TANC1: variants seen among roughly 807,000 people sequenced by gnomAD.
The protein encoded by TANC1 is tetratricopeptide repeat, ankyrin repeat and coiled-coil containing 1.
Under a neutral mutation model 149.7 loss-of-function variants are expected in TANC1, and 77 were observed. The ratio of observed to expected loss-of-function variants is 0.51; its 90% confidence interval spans 0.43 to 0.62. The LOEUF (loss-of-function observed/expected upper bound fraction) is 0.62. TANC1 is among the 20% of genes least tolerant of loss of function. The pLI is 0.00. For synonymous variants in TANC1, 854 were observed against 925.0 expected, an observed-to-expected ratio of 0.92 and a Z score of 1.39; for missense variants, 1,985 against 2,321.8, an observed-to-expected ratio of 0.85 and a Z score of 2.98.
At chr2:158,997,010 A>C (rs2036196228) in intron 1 of TANC1, among the ~76,000 whole-genome samples, 1 of 151,814 alleles carries the variant, frequency 6.6e-6, no homozygotes, top group African/African-American at 2.4e-5. Flanking sequence ...TACCTGCTTT[A>C]CAGACTGTGG....
intron 2 of TANC1, 74 bp from the exon 3 acceptor site, chr2:159,065,822 C>T (rs2042606864): frequency 7.9e-7 from 1 of 1,266,156 alleles, no homozygotes; most frequent in South Asian, 1.2e-5. Context: ...CAAGTTACCT[C>T]TTTTGTCAAG....
intron 1 of TANC1, among the ~76,000 whole-genome samples, chr2:158,969,802 C>T (rs1299751991): frequency 6.6e-6 from 1 of 152,218 alleles, no homozygotes; most frequent in African/African-American, 2.4e-5. Context: ...GGGCGGAGGA[C>T]GCCAGGCTCG....
At chr2:159,085,548 T>C (rs1418471926) in intron 3 of TANC1, among the ~76,000 whole-genome samples, 2 of 152,120 alleles carry the variant, frequency 1.3e-5, no homozygotes, top group Non-Finnish European at 2.9e-5. Context: ...GGGTAATTTA[T>C]AAAGAAAGGG....
intron 1 of TANC1, among the ~76,000 whole-genome samples, chr2:158,988,290 G>A (rs2149261334): frequency 6.9e-6 from 1 of 144,748 alleles, no homozygotes; most frequent in Non-Finnish European, 1.5e-5. Flanking sequence ...TCGGGCCACT[G>A]TACTCCAGCC....
At chr2:159,106,576 T>C (rs764487366) in intron 4 of TANC1, among the ~76,000 whole-genome samples, 1 of 152,232 alleles carries the variant, frequency 6.6e-6, no homozygotes, top group Non-Finnish European at 1.5e-5. Context: ...CAGTCTTCCA[T>C]TGGTGGGTAT....
chr2:159,062,838 G>A (rs1292164392), intron 2 of TANC1, among the ~76,000 whole-genome samples: 1 of 151,104 alleles, frequency 6.6e-6, no homozygotes, highest in East Asian at 1.9e-4. Flanking sequence ...GCGGTGGTGG[G>A]TGCCTGTAGT....
chr2:159,160,686 T>A (rs933842709), intron 7 of TANC1, among the ~76,000 whole-genome samples: 2 of 151,766 alleles, frequency 1.3e-5, no homozygotes, highest in Non-Finnish European at 2.9e-5. Context: ...CAGGAAGGAG[T>A]GTCAATGGAG....
chr2:159,051,521 C>T (rs375049179), intron 2 of TANC1, among the ~76,000 whole-genome samples: 7 of 152,122 alleles, frequency 4.6e-5, no homozygotes, highest in African/African-American at 1.7e-4. Flanking sequence ...TCATACATGG[C>T]GCGTAACATA....
rs1457762905 is a variant in TANC1 at position 159,136,047 on chromosome 2, T to TGTGTGTGTGTGTGTGTGC, written c.260-144_260-143insTGTGTGTGTGTGTGCGTG. The TGTGTGTGTGTGTGTGTGC allele has an allele frequency of 8.0e-3, 1,681 of 211,136 alleles. 214 individuals carry two copies. The highest frequency in any genetic ancestry group is 9.5e-3 in the African/African-American group (266 of 27,982). 13.1% of individuals were successfully genotyped at this position (211,136 alleles called of 1,614,324 possible). Reference sequence around the variant, plus strand: ...GTGTGTGTGTGTGTGTGTGTGTGTGTGTGCGCGCGCGCGCGTTTAAGGGAG... The same window carrying TGTGTGTGTGTGTGTGTGC: ...GTGTGTGTGTGTGTGTGTGTGTGTGTGTGTGTGTGTGTGTGTGCGTGCGCGCGCGCGCGTTTAAGGGAG... On this transcript the variant is annotated intron_variant, in intron 4 of 26. Coordinates refer to ENST00000263635, the MANE Select transcript of TANC1 (RefSeq NM_033394.3).
chr2:159,152,532 C>G (rs1306045006), intron 7 of TANC1, among the ~76,000 whole-genome samples: 1 of 142,790 alleles, frequency 7.0e-6, no homozygotes, highest in South Asian at 2.2e-4. Flanking sequence ...TGCTCTGTTG[C>G]CCAGGCTGGA....
chr2:159,201,882 C>G (rs1227398802), intron 19 of TANC1, among the ~76,000 whole-genome samples: 2 of 152,220 alleles, frequency 1.3e-5, no homozygotes, highest in African/African-American at 4.8e-5. Context: ...GACTCACCTG[C>G]CTGCCTTTGA....
chr2:159,184,102 C>A (rs1440357529), intron 14 of TANC1, among the ~76,000 whole-genome samples: 2 of 152,204 alleles, frequency 1.3e-5, no homozygotes, highest in African/African-American at 4.8e-5. Flanking sequence ...TGTGGTCTTG[C>A]ATAAGTCGCT....
chr2:159,175,742 C>T (rs938598196), intron 12 of TANC1, among the ~76,000 whole-genome samples: 1 of 152,236 alleles, frequency 6.6e-6, no homozygotes, highest in Non-Finnish European at 1.5e-5. Flanking sequence ...CCACATGGCA[C>T]CTCTGCTGGA....
intron 4 of TANC1, among the ~76,000 whole-genome samples, chr2:159,108,698 G>A (rs1480506579): frequency 1.3e-5 from 2 of 152,206 alleles, no homozygotes; most frequent in African/African-American, 4.8e-5. Context: ...GTGCGTCTGC[G>A]TCTGTTGGCA....
At chr2:159,084,064 AC>A (rs1367561077) in intron 3 of TANC1, among the ~76,000 whole-genome samples, 1 of 152,202 alleles carries the variant, frequency 6.6e-6, no homozygotes, top group Admixed American at 6.5e-5. Flanking sequence ...ATCCTGGCCA[AC>A]ATGGCGAAAC....
chr2:158,989,498 C>G (rs842060), intron 1 of TANC1, among the ~76,000 whole-genome samples: 32,729 of 150,890 alleles, frequency 0.22, 3,849 homozygotes, highest in South Asian at 0.43. Context: ...TAGTCCCAGC[C>G]ACTTGGAAGG....
intron 3 of TANC1, among the ~76,000 whole-genome samples, chr2:159,090,618 C>G (rs2045426490): frequency 1.3e-5 from 2 of 152,164 alleles, no homozygotes; most frequent in South Asian, 4.1e-4. Flanking sequence ...ACTGGTAGAC[C>G]TGGACAAGTC....
At position 159,075,403 on chromosome 2, in the gene TANC1, T is replaced by TAA. The variant is rs767567219; in HGVS notation, c.61+9443_61+9444dup. Among the ~76,000 whole-genome samples, 820 of 117,568 alleles carry TAA rather than the reference T, an allele frequency of 7.0e-3. 11 individuals carry two copies. The highest frequency in any genetic ancestry group is 0.021 in the African/African-American group (763 of 35,788). 77.1% of individuals were successfully genotyped at this position (117,568 alleles called of 152,430 possible). A position where few individuals can be genotyped will look rare whatever the true frequency, so the allele number is the denominator to read the frequency against. On this transcript the variant is annotated intron_variant, in intron 3 of 26. Transcript: ENST00000263635. Reference sequence around the variant, plus strand: ...AGCAACATAGTGAGACCTTGTCTATTAAAAAAAAAAAACAAAAAAAAAACT... The same window carrying TAA: ...AGCAACATAGTGAGACCTTGTCTATTAAAAAAAAAAAAAACAAAAAAAAAACT...
intron 19 of TANC1, among the ~76,000 whole-genome samples, chr2:159,214,778 C>T (rs1373162134): frequency 6.6e-6 from 1 of 152,174 alleles, no homozygotes; most frequent in African/African-American, 2.4e-5. Context: ...TCTGGTCCAC[C>T]ACCGCTTTAG....
Sources: gnomAD v4.1 joint callset for allele counts (sites outside exome capture counted in the v4.1 genomes callset) on GRCh38, gnomAD v4.1.1 for gene constraint, MANE v1.5 for transcripts, NCBI Gene and HGNC (gene_info 2026-07-23, HGNC 2026-07-21) for gene names.